CSMD1: variants seen among roughly 807,000 people sequenced by gnomAD.
CSMD1 encodes the protein CUB and Sushi multiple domains 1, also known as CUB and sushi domain-containing protein 1.
CSMD1 carries 213 observed loss-of-function variants against 417.5 expected under a neutral mutation model. The observed-to-expected ratio is 0.51, with a 90% CI of 0.46 to 0.57. The LOEUF is 0.57. Ranked by LOEUF, CSMD1 falls within the 20% of genes least tolerant of loss-of-function variation. CSMD1 has a pLI of 0.00. For synonymous variants in CSMD1, 2,862 were observed against 1,736.8 expected (o/e 1.65, Z -16.11); for missense variants, 6,923 against 4,529.7 (o/e 1.53, Z -15.17).
chr8:3,450,325 T>A (rs1218136052), intron 12 of CSMD1, among the ~76,000 whole-genome samples: 3 of 151,854 alleles, frequency 2.0e-5, no homozygotes, highest in Non-Finnish European at 4.4e-5. Context: ...TTTTTTTTTA[T>A]TATGCTTTCA....
At chr8:4,873,760 A>G (rs1010354582) in intron 1 of CSMD1, among the ~76,000 whole-genome samples, 1 of 152,122 alleles carries the variant, frequency 6.6e-6, no homozygotes, top group African/African-American at 2.4e-5. Flanking sequence ...TGTAGCACCT[A>G]TTTTATAGAA....
intron 54 of CSMD1, among the ~76,000 whole-genome samples, chr8:2,992,879 G>A (rs643229): frequency 0.18 from 27,415 of 151,730 alleles, 4,794 homozygotes; most frequent in African/African-American, 0.46. Context: ...GTGGAACTAC[G>A]GGCATGTACC....
chr8:4,783,780 T>A (rs1797271309), intron 1 of CSMD1, among the ~76,000 whole-genome samples: 1 of 152,160 alleles, frequency 6.6e-6, no homozygotes, highest in Non-Finnish European at 1.5e-5. Context: ...GATGCCTCAT[T>A]TGTAACTGTG....
At chr8:3,385,985 T>A (rs897640919) in intron 18 of CSMD1, among the ~76,000 whole-genome samples, 1 of 152,174 alleles carries the variant, frequency 6.6e-6, no homozygotes, top group Non-Finnish European at 1.5e-5. Flanking sequence ...AGAATGTACA[T>A]TTTAGCAATT....
At chr8:4,014,842 T>C (rs1405347702) in intron 4 of CSMD1, among the ~76,000 whole-genome samples, 2 of 152,144 alleles carry the variant, frequency 1.3e-5, no homozygotes, top group Admixed American at 6.5e-5. Flanking sequence ...CTGCATGGAA[T>C]AAAATAATTT....
At chr8:4,048,401 C>T (rs1187381018) in intron 3 of CSMD1, among the ~76,000 whole-genome samples, 1 of 152,208 alleles carries the variant, frequency 6.6e-6, no homozygotes, top group African/African-American at 2.4e-5. Context: ...AGACAAACCA[C>T]TGTGTACATA....
chr8:3,965,147 T>G (rs1812584099), intron 5 of CSMD1, among the ~76,000 whole-genome samples: 1 of 152,206 alleles, frequency 6.6e-6, no homozygotes, highest in African/African-American at 2.4e-5. Flanking sequence ...AATATTTTAA[T>G]AGTTTCTTGC....
At chr8:4,002,983 C>G (rs1327589059) in intron 4 of CSMD1, among the ~76,000 whole-genome samples, 1 of 151,992 alleles carries the variant, frequency 6.6e-6, no homozygotes, top group Non-Finnish European at 1.5e-5. Flanking sequence ...GTAAACCAAT[C>G]TACCTGTTTA....
chr8:4,413,838 G>C (rs542033335), intron 3 of CSMD1, among the ~76,000 whole-genome samples: 2 of 152,116 alleles, frequency 1.3e-5, no homozygotes, highest in Non-Finnish European at 2.9e-5. Context: ...ACTTCTACTT[G>C]TTATGAAATG....
chr8:3,378,612 G>A (rs11136615), intron 18 of CSMD1, among the ~76,000 whole-genome samples: 71,003 of 151,950 alleles, frequency 0.47, 16,814 homozygotes, highest in Middle Eastern at 0.48. Context: ...ATCAATAAAC[G>A]TAATCCATCA....
At chr8:4,065,127 TAG>T (rs888158775) in intron 3 of CSMD1, among the ~76,000 whole-genome samples, 4 of 152,232 alleles carry the variant, frequency 2.6e-5, no homozygotes, top group African/African-American at 7.2e-5. Context: ...TTTATGTTTT[TAG>T]AGTTTTTTAA....
At chr8:3,819,389 G>C (rs1255720120) in intron 5 of CSMD1, among the ~76,000 whole-genome samples, 2 of 152,120 alleles carry the variant, frequency 1.3e-5, no homozygotes, top group Non-Finnish European at 1.5e-5. Flanking sequence ...TTTTGCTCCA[G>C]AAAGTCAAGT....
intron 1 of CSMD1, among the ~76,000 whole-genome samples, chr8:4,846,416 G>GC (rs1163519056): frequency 6.6e-6 from 1 of 152,160 alleles, no homozygotes; most frequent in African/African-American, 2.4e-5. Context: ...CTCAGCCAGT[G>GC]CCCCAGCCAG....
chr8:3,396,966 T>A (rs996322653), intron 16 of CSMD1, among the ~76,000 whole-genome samples: 1 of 152,144 alleles, frequency 6.6e-6, no homozygotes, highest in African/African-American at 2.4e-5. Context: ...ATTTCAGACA[T>A]GAAAGGATAC....
rs1036370970 is a variant in CSMD1, at chr8:4,955,747, C to T, written c.85+38585G>A. Among the ~76,000 whole-genome samples the T allele has an allele frequency of 1.6e-4, 22 of 133,854 alleles. 1 individual carries two copies. The highest frequency in any genetic ancestry group is 5.0e-4 in the South Asian group (2 of 3,976). The allele number at this position is 133,854 out of a possible 152,430, so 87.8% of individuals were successfully genotyped here. A position where few individuals can be genotyped will look rare whatever the true frequency, so the allele number is the denominator to read the frequency against. ...CTGGGATTACAGGCGTGAGCCACCA[C>T]GCCCGGGCCCTCTCTTCCAAACTGC... On this transcript the variant is annotated intron_variant, in intron 1 of 69. Transcript: ENST00000635120.
intron 3 of CSMD1, among the ~76,000 whole-genome samples, chr8:4,120,133 C>T (rs988139574): frequency 2.0e-5 from 3 of 152,162 alleles, no homozygotes; most frequent in Non-Finnish European, 4.4e-5. Flanking sequence ...GAATACTACA[C>T]ATCGCATGCC....
At chr8:4,798,371 A>G (rs1463878585) in intron 1 of CSMD1, among the ~76,000 whole-genome samples, 1 of 152,176 alleles carries the variant, frequency 6.6e-6, no homozygotes, top group African/African-American at 2.4e-5. Flanking sequence ...ATAGTATTCC[A>G]TGGTGTATAT....
At chr8:3,958,043 G>T (rs1812084561) in intron 5 of CSMD1, among the ~76,000 whole-genome samples, 1 of 152,132 alleles carries the variant, frequency 6.6e-6, no homozygotes, top group African/African-American at 2.4e-5. Context: ...CATTCTCTTA[G>T]TTGTGCCTGT....
intron 1 of CSMD1, among the ~76,000 whole-genome samples, chr8:4,732,045 T>C (rs538789140): frequency 5.3e-5 from 8 of 152,232 alleles, no homozygotes; most frequent in African/African-American, 1.9e-4. Context: ...GCCTCCCCCA[T>C]GCCCGTAGCT....
Sources: gnomAD v4.1 joint callset for allele counts (sites outside exome capture counted in the v4.1 genomes callset) on GRCh38, gnomAD v4.1.1 for gene constraint, MANE v1.5 for transcripts, NCBI Gene and HGNC (gene_info 2026-07-23, HGNC 2026-07-21) for gene names.